Variants in VRK2 observed in about 807,000 individuals in gnomAD.
VRK2 encodes the protein VRK serine/threonine kinase 2.
In VRK2, 60 loss-of-function variants were observed where a neutral mutation model predicts 57.6. That is an observed-to-expected ratio of 1.04 (90% CI 0.85 to 1.29). VRK2 has a LOEUF of 1.29. Ranked by LOEUF, VRK2 falls within the 50% of genes most tolerant of loss-of-function variation. The pLI, the probability that VRK2 is intolerant of heterozygous loss-of-function variation, is 0.00. For missense variants in VRK2, 705 were observed against 588.1 expected (o/e 1.20, Z -2.06); for synonymous variants, 231 against 199.2 (o/e 1.16, Z -1.35).
chr2:57,967,516 T>G (rs1671961440), intron 1 of VRK2, among the ~76,000 whole-genome samples: 1 of 152,174 alleles, frequency 6.6e-6, no homozygotes, highest in South Asian at 2.1e-4. Context: ...AAAGCTATTT[T>G]TCTTTCTCAA....
rs769921525 is a variant in VRK2, at chr2:58,088,464, C to T, written c.450+18C>T. The stretch of plus-strand genomic sequence containing the variant: ...TCCGAATGGTAAGAATTACTTATTT[C>T]GCATGCTCCATTTCCAAATTGTTTA... On this transcript the variant is annotated intron_variant, in intron 6 of 12. Transcript: ENST00000340157. The T allele has an allele frequency of 9.2e-6, 14 of 1,526,350 alleles. No homozygotes were observed. Among genetic ancestry groups the T allele is most frequent in the Admixed American group, 5.2e-5 (3 of 58,100 alleles). The allele number at this position is 1,526,350 out of a possible 1,614,324, so 94.6% of individuals were successfully genotyped here.
intron 1 of VRK2, among the ~76,000 whole-genome samples, chr2:57,995,938 G>A (rs949425036): frequency 6.6e-6 from 1 of 152,098 alleles, no homozygotes; most frequent in African/African-American, 2.4e-5. Context: ...GTATCTATTG[G>A]TTCTGCATCA....
intron 1 of VRK2, among the ~76,000 whole-genome samples, chr2:57,992,383 A>G (rs968175849): frequency 1.3e-5 from 2 of 152,212 alleles, no homozygotes; most frequent in African/African-American, 4.8e-5. Context: ...GTTGAATTTG[A>G]ACAGTAAGAA....
intron 3 of VRK2, among the ~76,000 whole-genome samples, chr2:58,039,501 T>C (rs1373139926): frequency 6.6e-6 from 1 of 152,130 alleles, no homozygotes; most frequent in Non-Finnish European, 1.5e-5. Context: ...TCCCTAGCAT[T>C]TCTTTTTATT....
At chr2:57,915,325 A>C (rs943248757) in intron 1 of VRK2, among the ~76,000 whole-genome samples, 1 of 152,174 alleles carries the variant, frequency 6.6e-6, no homozygotes, top group African/African-American at 2.4e-5. Context: ...TTATAACCTA[A>C]CAACTATAAA....
chr2:58,122,790 A>G (rs1180631409), intron 7 of VRK2, among the ~76,000 whole-genome samples: 1 of 152,220 alleles, frequency 6.6e-6, no homozygotes, highest in Non-Finnish European at 1.5e-5. Context: ...GAATACAGAT[A>G]AAAAGACATA....
chr2:58,117,958 T>C (rs1676778744), intron 7 of VRK2, among the ~76,000 whole-genome samples: 1 of 150,932 alleles, frequency 6.6e-6, no homozygotes, highest in Middle Eastern at 3.2e-3. Flanking sequence ...AGAGAAAGGG[T>C]TGGGGCATGG....
At chr2:57,936,531 G>GTTTTTTTTTTTTTTTTTTGT (rs539088139) in intron 1 of VRK2, among the ~76,000 whole-genome samples, 1 of 134,956 alleles carries the variant, frequency 7.4e-6, no homozygotes, top group African/African-American at 2.8e-5. Flanking sequence ...TTGTTTTTTT[G>GTTTTTTTTTTTTTTTTTTGT]TTTTTTTTTT....
chr2:58,109,647 C>T (rs1389377621), intron 7 of VRK2, among the ~76,000 whole-genome samples: 1 of 152,146 alleles, frequency 6.6e-6, no homozygotes, highest in Admixed American at 6.5e-5. Context: ...AGAATTCACT[C>T]ACTATCACAA....
intron 1 of VRK2, among the ~76,000 whole-genome samples, chr2:57,931,408 T>A (rs1670719934): frequency 6.6e-6 from 1 of 152,196 alleles, no homozygotes; most frequent in Non-Finnish European, 1.5e-5. Flanking sequence ...TATTGGCTAT[T>A]TGTATTCTTC....
Position 58,048,919 on chromosome 2 carries a change from G to T in VRK2, c.88G>T (p.Val30Leu), listed in dbSNP as rs749045675. The T allele has an allele frequency of 2.5e-6, 4 of 1,613,850 alleles. No individual in the cohort carries two copies. The highest frequency in any genetic ancestry group is 1.7e-5 in the Admixed American group (1 of 60,000). ...VLDDMEGNQW[V>L]LGKKIGSGGF... ...GGATGATATGGAAGGCAATCAGTGG[G>T]TACTGGGCAAGAAGATTGGCTCTGG... The change falls in exon 2 of 13, where the codon GTA becomes TTA. Residue 30 changes from valine (V) to leucine (L), a missense_variant. Coordinates refer to ENST00000340157, the MANE Select transcript of VRK2 (RefSeq NM_006296.7).
In VRK2 at chr2:57,954,084, T is replaced by C. The variant is rs1023295292; in HGVS notation, c.-439+46245T>C. On this transcript the variant is annotated intron_variant, in intron 1 of 15. Transcript: ENST00000417641. ...CACTGTAGCCCCTTGGTAAATTCAC[T>C]ATTTGACTCTACATATTTATATTTC... is the stretch of plus-strand genomic sequence containing the variant. Among the ~76,000 whole-genome samples the C allele has an allele frequency of 2.6e-5, 4 of 152,166 alleles. 1 individual carries two copies. The highest frequency in any genetic ancestry group is 9.6e-5 in the African/African-American group (4 of 41,458).
intron 1 of VRK2, among the ~76,000 whole-genome samples, chr2:57,932,942 G>A (rs906840409): frequency 9.9e-5 from 15 of 151,778 alleles, no homozygotes; most frequent in Non-Finnish European, 2.1e-4. Flanking sequence ...TTTTGTTTTC[G>A]GGAGCATGTT....
rs180819007 is a variant in VRK2, at chr2:58,134,098, T to A, written c.798-1043T>A. Among the ~76,000 whole-genome samples the A allele has an allele frequency of 4.3e-3, 655 of 152,260 alleles. 1 individual carries two copies. Among genetic ancestry groups the A allele is most frequent in the Admixed American group, 7.9e-3 (120 of 15,280 alleles). ...CCACCTCAGAAGCCAAGTCTCACTC[T>A]GACCTTCTCCTGCCCTCTTGTTTCC... On this transcript the variant is annotated intron_variant, in intron 9 of 12. Transcript: ENST00000340157.
chr2:57,944,428 A>G (rs2103963185), intron 1 of VRK2, among the ~76,000 whole-genome samples: 1 of 152,354 alleles, frequency 6.6e-6, no homozygotes. Context: ...ATTAGGATAG[A>G]AAATAATTTT....
intron 10 of VRK2, 126 bp from the exon 11 acceptor site, chr2:58,139,540 C>A: frequency 1.3e-6 from 1 of 767,404 alleles, no homozygotes; most frequent in South Asian, 2.2e-5. Flanking sequence ...TTGAATTGTT[C>A]ATTTTTAGTT....
At chr2:58,049,052 A>G in intron 2 of VRK2, 85 bp downstream of exon 2, 2 of 1,474,840 alleles carry the variant, frequency 1.4e-6, no homozygotes, top group Non-Finnish European at 9.2e-7. Context: ...GAATGGAAAT[A>G]TGGAATTCAT....
At chr2:58,089,425 C>G (rs998022402) in intron 6 of VRK2, among the ~76,000 whole-genome samples, 2 of 152,170 alleles carry the variant, frequency 1.3e-5, no homozygotes, top group Non-Finnish European at 2.9e-5. Flanking sequence ...AACTAAAATA[C>G]TTGATTTTTG....
chr2:58,104,002 A>G (rs537597508), intron 7 of VRK2, among the ~76,000 whole-genome samples: 1 of 151,890 alleles, frequency 6.6e-6, no homozygotes, highest in Non-Finnish European at 1.5e-5. Flanking sequence ...GCAGAAAAAA[A>G]GCATGTGATA....
Sources: allele counts gnomAD v4.1 joint callset (sites outside exome capture counted in the v4.1 genomes callset), GRCh38; gene constraint gnomAD v4.1.1; transcripts MANE v1.5; gene names NCBI Gene and HGNC (gene_info 2026-07-23, HGNC 2026-07-21).